The following FGF12 variants were observed in gnomAD, a reference collection of about 807,000 sequenced individuals.
FGF12 encodes fibroblast growth factor 12B.
FGF12 carries 14 observed loss-of-function variants against 23.6 expected under a neutral mutation model. That is an observed-to-expected ratio of 0.59 (90% CI 0.39 to 0.93). FGF12 has a LOEUF of 0.93. Ranked by LOEUF, FGF12 falls within the 40% of genes least tolerant of loss-of-function variation. The pLI, the probability that FGF12 is intolerant of heterozygous loss-of-function variation, is 0.00. For synonymous variants in FGF12, 62 were observed against 77.3 expected (o/e 0.80, Z 1.04); for missense variants, 175 against 217.8 (o/e 0.80, Z 1.24).
At chr3:192,697,125 G>A (rs1442170222) in intron 2 of FGF12, among the ~76,000 whole-genome samples, 1 of 151,760 alleles carries the variant, frequency 6.6e-6, no homozygotes, top group Non-Finnish European at 1.5e-5. Context: ...CAGAAGCAAT[G>A]GGATCAGCAT....
At position 192,218,590 on chromosome 3, in the gene FGF12, T is replaced by C. The variant is rs534258845; in HGVS notation, c.229-47934A>G. Among the ~76,000 whole-genome samples, 7 of 152,306 alleles carry C rather than the reference T, an allele frequency of 4.6e-5. No individual in the cohort carries two copies. The East Asian group carries it at 1.2e-3, about 25-fold the overall frequency. Reference sequence around the variant, plus strand: ...ATGTCAACCATAATTGTGAGTTTCCTGAGGCCTCCCCAGAAGGAGAAGCCT... The same window carrying C: ...ATGTCAACCATAATTGTGAGTTTCCCGAGGCCTCCCCAGAAGGAGAAGCCT... On this transcript the variant is annotated intron_variant, in intron 4 of 5. Coordinates refer to ENST00000445105, the MANE Select transcript of FGF12 (RefSeq NM_004113.6).
chr3:192,617,424 G>A (rs563734340), intron 2 of FGF12, among the ~76,000 whole-genome samples: 3 of 151,996 alleles, frequency 2.0e-5, no homozygotes, highest in Admixed American at 6.6e-5. Context: ...GTGATAAAGG[G>A]GGTCATAAAA....
chr3:192,494,487 T>C (rs1444660587), intron 2 of FGF12, among the ~76,000 whole-genome samples: 1 of 152,212 alleles, frequency 6.6e-6, no homozygotes, highest in East Asian at 1.9e-4. Context: ...CTCTCTTCTT[T>C]AGGTTAAATA....
chr3:192,216,810 C>T (rs1718214475), intron 4 of FGF12, among the ~76,000 whole-genome samples: 1 of 152,142 alleles, frequency 6.6e-6, no homozygotes, highest in Non-Finnish European at 1.5e-5. Flanking sequence ...GTTTAATCTA[C>T]AGAGAGTGTG....
chr3:192,332,873 T>C (rs1433927330), intron 4 of FGF12, among the ~76,000 whole-genome samples: 1 of 152,114 alleles, frequency 6.6e-6, no homozygotes, highest in Non-Finnish European at 1.5e-5. Flanking sequence ...CTAGCCTTAA[T>C]GCATACCAGA....
At chr3:192,473,303 A>ATTTC (rs1723225697) in intron 2 of FGF12, among the ~76,000 whole-genome samples, 1 of 152,170 alleles carries the variant, frequency 6.6e-6, no homozygotes, top group Non-Finnish European at 1.5e-5. Context: ...TTGTGCTTTC[A>ATTTC]CTAATTTATT....
intron 2 of FGF12, among the ~76,000 whole-genome samples, chr3:192,537,535 AT>A (rs1347790908): frequency 2.6e-5 from 4 of 152,140 alleles, no homozygotes; most frequent in Admixed American, 6.5e-5. Flanking sequence ...TTTTGTTAGC[AT>A]TTCTCTGATA....
At chr3:192,700,898 G>A (rs1485339518) in intron 2 of FGF12, among the ~76,000 whole-genome samples, 1 of 152,172 alleles carries the variant, frequency 6.6e-6, no homozygotes, top group Non-Finnish European at 1.5e-5. Context: ...AGAAATTGAA[G>A]TATGTTACTC....
intron 4 of FGF12, among the ~76,000 whole-genome samples, chr3:192,173,826 T>G (rs1159484423): frequency 6.6e-6 from 1 of 152,234 alleles, no homozygotes; most frequent in African/African-American, 2.4e-5. Flanking sequence ...GATAAAACCT[T>G]CTTCCTTATG....
intron 2 of FGF12, among the ~76,000 whole-genome samples, chr3:192,504,748 G>A (rs146077629): frequency 3.3e-5 from 5 of 152,220 alleles, no homozygotes; most frequent in African/African-American, 4.8e-5. Flanking sequence ...AAGATGAGGC[G>A]GGGATTCTCA....
At chr3:192,264,255 C>T (rs900839050) in intron 4 of FGF12, among the ~76,000 whole-genome samples, 1 of 152,120 alleles carries the variant, frequency 6.6e-6, no homozygotes, top group African/African-American at 2.4e-5. Context: ...ATTGACCTAA[C>T]ATTTTGTGTT....
intron 2 of FGF12, among the ~76,000 whole-genome samples, chr3:192,725,330 C>A (rs542095201): frequency 6.6e-6 from 1 of 150,886 alleles, no homozygotes; most frequent in Admixed American, 6.6e-5. Flanking sequence ...TGCAAAATGA[C>A]CACAATGTTG....
At chr3:192,479,780 C>A (rs1317050209) in intron 2 of FGF12, among the ~76,000 whole-genome samples, 2 of 152,072 alleles carry the variant, frequency 1.3e-5, no homozygotes, top group Non-Finnish European at 2.9e-5. Flanking sequence ...ATTTCCCATC[C>A]CCTAGAATAT....
intron 2 of FGF12, among the ~76,000 whole-genome samples, chr3:192,464,630 A>G (rs868521530): frequency 6.6e-5 from 10 of 152,036 alleles, no homozygotes; most frequent in African/African-American, 2.4e-4. Context: ...AATGACATGC[A>G]TGTGCAAGTC....
rs180997217 is a variant in FGF12 at position 192,307,396 on chromosome 3, C to G, written c.228+27965G>C. Among the ~76,000 whole-genome samples, 102 of 152,174 alleles carry G rather than the reference C, an allele frequency of 6.7e-4. 2 individuals carry two copies. The South Asian group carries it at 0.02, about 29-fold the overall frequency. On this transcript the variant is annotated intron_variant, in intron 4 of 5. Coordinates refer to ENST00000445105, the MANE Select transcript of FGF12 (RefSeq NM_004113.6). Reference sequence around the variant, plus strand: ...GTTCTAATATCAGAGATAGCAGCAACGACAGGATGCTAATTGTGGTGAATA... The same window carrying G: ...GTTCTAATATCAGAGATAGCAGCAAGGACAGGATGCTAATTGTGGTGAATA...
chr3:192,471,085 G>A (rs1233984474), intron 2 of FGF12, among the ~76,000 whole-genome samples: 1 of 152,112 alleles, frequency 6.6e-6, no homozygotes, highest in Non-Finnish European at 1.5e-5. Flanking sequence ...CTCCCCACTA[G>A]AATGTATGGC....
At chr3:192,639,586 G>A (rs1191623388) in intron 2 of FGF12, among the ~76,000 whole-genome samples, 1 of 152,152 alleles carries the variant, frequency 6.6e-6, no homozygotes, top group Non-Finnish European at 1.5e-5. Flanking sequence ...AGGAAACGGT[G>A]GTATACACAG....
At chr3:192,684,024 C>T (rs889325007) in intron 2 of FGF12, among the ~76,000 whole-genome samples, 4 of 152,192 alleles carry the variant, frequency 2.6e-5, no homozygotes, top group Admixed American at 1.3e-4. Context: ...CCAGCATCTC[C>T]CTTCCATGAT....
intron 5 of FGF12, among the ~76,000 whole-genome samples, chr3:192,149,560 C>T (rs1327088247): frequency 4.1e-5 from 4 of 97,224 alleles, no homozygotes; most frequent in Non-Finnish European, 6.5e-5. Context: ...TGAGAATATG[C>T]GGTGTTTGGT....
Sources: gnomAD v4.1 joint callset for allele counts (sites outside exome capture counted in the v4.1 genomes callset) on GRCh38, gnomAD v4.1.1 for gene constraint, MANE v1.5 for transcripts, NCBI Gene and HGNC (gene_info 2026-07-23, HGNC 2026-07-21) for gene names.